PLD5: variants seen among roughly 807,000 people sequenced by gnomAD.
The protein encoded by PLD5 is inactive phospholipase D5.
In PLD5, 36 loss-of-function variants were observed where a neutral mutation model predicts 61.1. That is an observed-to-expected ratio of 0.59 (90% CI 0.45 to 0.78). The LOEUF is 0.78. Ranked by LOEUF, PLD5 falls within the 30% of genes least tolerant of loss-of-function variation. PLD5 has a pLI of 0.00. For missense variants in PLD5, 515 were observed against 644.4 expected, an observed-to-expected ratio of 0.80 and a Z score of 2.17; for synonymous variants, 243 against 242.8, an observed-to-expected ratio of 1.00 and a Z score of -0.01.
intron 4 of PLD5, among the ~76,000 whole-genome samples, chr1:242,243,245 G>T (rs879649065): frequency 6.6e-6 from 1 of 152,218 alleles, no homozygotes; most frequent in Non-Finnish European, 1.5e-5. Context: ...GTGGAAAAAG[G>T]CAGTTTAAAG....
At chr1:242,520,606 T>C (rs769103559) in intron 1 of PLD5, among the ~76,000 whole-genome samples, 1 of 152,120 alleles carries the variant, frequency 6.6e-6, no homozygotes, top group South Asian at 2.1e-4. Flanking sequence ...TCTTCATAAA[T>C]AGCACCAGGA....
chr1:242,510,108 A>G (rs1164590628), intron 1 of PLD5, among the ~76,000 whole-genome samples: 1 of 152,114 alleles, frequency 6.6e-6, no homozygotes, highest in Non-Finnish European at 1.5e-5. Context: ...GGAAAGTTCC[A>G]AGTCAGTTTT....
chr1:242,397,118 C>A (rs769339050), intron 1 of PLD5, among the ~76,000 whole-genome samples: 11 of 152,086 alleles, frequency 7.2e-5, no homozygotes, highest in Non-Finnish European at 1.6e-4. Context: ...AATCGTCTCA[C>A]CTAATATCAT....
intron 5 of PLD5, among the ~76,000 whole-genome samples, chr1:242,178,516 C>A (rs767014879): frequency 6.6e-6 from 1 of 152,194 alleles, no homozygotes; most frequent in Non-Finnish European, 1.5e-5. Flanking sequence ...CCAATGACTA[C>A]TCTGGTGCTG....
At chr1:242,384,833 T>C (rs1373510587) in intron 1 of PLD5, among the ~76,000 whole-genome samples, 1 of 152,214 alleles carries the variant, frequency 6.6e-6, no homozygotes, top group Non-Finnish European at 1.5e-5. Flanking sequence ...TCTCTGGAAA[T>C]CTACCTTGAA....
chr1:242,449,551 G>T, intron 1 of PLD5: 1 of 1,442,566 alleles, frequency 6.9e-7, no homozygotes, highest in Non-Finnish European at 9.1e-7. Context: ...TGAGCACGAA[G>T]AGAGAAAGGG....
At chr1:242,502,848 G>A (rs1486021777) in intron 1 of PLD5, among the ~76,000 whole-genome samples, 1 of 152,066 alleles carries the variant, frequency 6.6e-6, no homozygotes, top group Non-Finnish European at 1.5e-5. Flanking sequence ...ATCACCTGAG[G>A]TCAGGAGTTT....
intron 1 of PLD5, among the ~76,000 whole-genome samples, chr1:242,496,876 C>A (rs1454239942): frequency 6.6e-6 from 1 of 152,178 alleles, no homozygotes; most frequent in East Asian, 1.9e-4. Flanking sequence ...TAAGTTTTAG[C>A]CAGCAGGATG....
At chr1:242,365,960 C>A (rs542494768) in intron 1 of PLD5, 2 of 152,308 alleles carry the variant, frequency 1.3e-5, no homozygotes, top group African/African-American at 4.8e-5. Context: ...AACCTTCCCA[C>A]AGTAAAAACT....
chr1:242,106,642 C>T (rs1015196325), intron 8 of PLD5, among the ~76,000 whole-genome samples: 5 of 152,216 alleles, frequency 3.3e-5, no homozygotes, highest in Admixed American at 2.6e-4. Flanking sequence ...CAATTTCGCT[C>T]TTCTCCTGTC....
At chr1:242,141,752 G>C (rs917962437) in intron 5 of PLD5, among the ~76,000 whole-genome samples, 2 of 152,102 alleles carry the variant, frequency 1.3e-5, no homozygotes, top group South Asian at 2.1e-4. Context: ...GAAGGGAAGG[G>C]GAAAGCTATG....
chr1:242,398,117 A>C (rs1034344336), intron 1 of PLD5, among the ~76,000 whole-genome samples: 1 of 152,178 alleles, frequency 6.6e-6, no homozygotes, highest in Non-Finnish European at 1.5e-5. Flanking sequence ...AGGCCACATA[A>C]AGAAAGTCCA....
chr1:242,167,278 G>T (rs978656615), intron 5 of PLD5, among the ~76,000 whole-genome samples: 11 of 152,074 alleles, frequency 7.2e-5, no homozygotes, highest in Admixed American at 1.3e-4. Flanking sequence ...TAAAGAAAAA[G>T]AAGTTTAATG....
At chr1:242,331,584 A>T (rs1465587833) in intron 2 of PLD5, among the ~76,000 whole-genome samples, 1 of 152,150 alleles carries the variant, frequency 6.6e-6, no homozygotes, top group Non-Finnish European at 1.5e-5. Context: ...TGAAAACATA[A>T]TTGCTAATGC....
At chr1:242,349,470 G>A (rs1355468587) in intron 1 of PLD5, among the ~76,000 whole-genome samples, 2 of 152,276 alleles carry the variant, frequency 1.3e-5, no homozygotes, top group South Asian at 4.1e-4. Flanking sequence ...CATTTAGATG[G>A]ATGGGTTGTT....
At chr1:242,212,393 A>G (rs1342435589) in intron 5 of PLD5, among the ~76,000 whole-genome samples, 1 of 152,252 alleles carries the variant, frequency 6.6e-6, no homozygotes, top group Admixed American at 6.5e-5. Context: ...AAAAAACATT[A>G]AAGACCAGAG....
At chr1:242,464,903 G>A (rs1288876077) in intron 1 of PLD5, among the ~76,000 whole-genome samples, 3 of 152,152 alleles carry the variant, frequency 2.0e-5, no homozygotes, top group Non-Finnish European at 2.9e-5. Flanking sequence ...GACACGAAAG[G>A]TCACATATTG....
At chr1:242,515,504 C>G (rs145355231) in intron 1 of PLD5, among the ~76,000 whole-genome samples, 10 of 152,222 alleles carry the variant, frequency 6.6e-5, no homozygotes, top group African/African-American at 2.4e-4. Context: ...TGTGCCACCA[C>G]GCCTGGCCAG....
intron 4 of PLD5, among the ~76,000 whole-genome samples, chr1:242,250,138 C>T (rs911074886): frequency 3.9e-5 from 6 of 152,184 alleles, no homozygotes; most frequent in African/African-American, 1.4e-4. Context: ...TGCCACATTG[C>T]TTAGTCTCTC....
Sources: gnomAD v4.1 joint callset for allele counts (sites outside exome capture counted in the v4.1 genomes callset) on GRCh38, gnomAD v4.1.1 for gene constraint, MANE v1.5 for transcripts, NCBI Gene and HGNC (gene_info 2026-07-23, HGNC 2026-07-21) for gene names.